Variants in PPP3CA observed in about 807,000 individuals in gnomAD.
PPP3CA encodes protein phosphatase 3 catalytic subunit alpha.
A neutral mutation model predicts 66.5 loss-of-function variants in PPP3CA; 14 were observed. That is an observed-to-expected ratio of 0.21 (90% CI 0.14 to 0.33). The LOEUF (loss-of-function observed/expected upper bound fraction) is 0.33, where lower values mean the gene tolerates loss of function less well. Among genes scored for constraint, PPP3CA ranks in the 10% least tolerant of loss-of-function variants. The probability of loss-of-function intolerance (pLI) is 1.00; values close to 1 mark genes in which losing one functional copy is unlikely to be tolerated. For missense variants in PPP3CA, 317 were observed against 639.5 expected (o/e 0.50, Z 5.44); for synonymous variants, 232 against 226.2 (o/e 1.03, Z -0.23).
At chr4:101,321,900 C>A (rs554700841) in intron 1 of PPP3CA, among the ~76,000 whole-genome samples, 21 of 152,300 alleles carry the variant, frequency 1.4e-4, no homozygotes, top group African/African-American at 5.1e-4. Flanking sequence ...GTGGCTGTTG[C>A]AACAGAGGAT....
chr4:101,252,086 A>G (rs945910667), intron 1 of PPP3CA, among the ~76,000 whole-genome samples: 1 of 152,194 alleles, frequency 6.6e-6, no homozygotes, highest in Admixed American at 6.5e-5. Context: ...ATCAGTTCTA[A>G]GAAGTAAATA....
intron 2 of PPP3CA, among the ~76,000 whole-genome samples, chr4:101,134,462 T>C (rs1201870769): frequency 1.3e-5 from 2 of 152,244 alleles, no homozygotes; most frequent in African/African-American, 4.8e-5. Context: ...AAGACATTTA[T>C]GTGGCCAACA....
At chr4:101,087,818 A>C (rs1729736872) in intron 6 of PPP3CA, among the ~76,000 whole-genome samples, 1 of 152,178 alleles carries the variant, frequency 6.6e-6, no homozygotes, top group Non-Finnish European at 1.5e-5. Context: ...ATAGGGGCTG[A>C]ATAGCTTGGT....
chr4:101,124,243 C>T (rs192483019), intron 2 of PPP3CA, among the ~76,000 whole-genome samples: 14 of 152,138 alleles, frequency 9.2e-5, no homozygotes, highest in African/African-American at 3.1e-4. Context: ...TTATTTACCA[C>T]TTTTCACACA....
At chr4:101,308,028 T>C (rs1306367389) in intron 1 of PPP3CA, among the ~76,000 whole-genome samples, 1 of 152,222 alleles carries the variant, frequency 6.6e-6, no homozygotes, top group Non-Finnish European at 1.5e-5. Flanking sequence ...GAGAATTTCA[T>C]AATTACATAT....
chr4:101,275,002 A>C (rs1727444934), intron 1 of PPP3CA, among the ~76,000 whole-genome samples: 1 of 152,236 alleles, frequency 6.6e-6, no homozygotes, highest in South Asian at 2.1e-4. Flanking sequence ...CAAAAGTTCA[A>C]AAATGAAACT....
At chr4:101,206,461 C>A (rs1265268287) in intron 1 of PPP3CA, among the ~76,000 whole-genome samples, 2 of 152,180 alleles carry the variant, frequency 1.3e-5, no homozygotes, top group Non-Finnish European at 2.9e-5. Context: ...AAAAGAACCA[C>A]TCTTGGGAGA....
intron 1 of PPP3CA, among the ~76,000 whole-genome samples, chr4:101,309,777 C>T (rs185419234): frequency 5.3e-5 from 8 of 152,186 alleles, no homozygotes; most frequent in African/African-American, 1.9e-4. Context: ...AAGAGAGACA[C>T]TGTTCTCTAA....
chr4:101,325,311 G>A (rs1415704607), intron 1 of PPP3CA, among the ~76,000 whole-genome samples: 2 of 152,178 alleles, frequency 1.3e-5, no homozygotes, highest in Non-Finnish European at 2.9e-5. Flanking sequence ...CTGAAATTCT[G>A]TATTTCTACC....
chr4:101,164,192 A>G (rs893338489), intron 2 of PPP3CA, among the ~76,000 whole-genome samples: 1 of 147,096 alleles, frequency 6.8e-6, no homozygotes, highest in Non-Finnish European at 1.5e-5. Flanking sequence ...TATTCTGACC[A>G]CTCTACTTAA....
intron 1 of PPP3CA, among the ~76,000 whole-genome samples, chr4:101,287,657 G>T (rs973657784): frequency 6.6e-6 from 1 of 151,954 alleles, no homozygotes; most frequent in Non-Finnish European, 1.5e-5. Flanking sequence ...CAAGAAAGAC[G>T]CTATTTCAAT....
At chr4:101,076,107 T>C (rs932300931) in intron 8 of PPP3CA, among the ~76,000 whole-genome samples, 1 of 152,156 alleles carries the variant, frequency 6.6e-6, no homozygotes, top group Non-Finnish European at 1.5e-5. Context: ...TTTGAGTAAT[T>C]AGGAAATAGG....
Position 101,099,596 on chromosome 4 carries a change from T to C in PPP3CA, c.496+15A>G, listed in dbSNP as rs371351131. 103 of 1,464,730 alleles carry C rather than the reference T, an allele frequency of 7.0e-5. No individual in the cohort carries two copies. Among genetic ancestry groups the C allele is most frequent in the African/African-American group, 4.0e-4 (28 of 70,450 alleles). 90.7% of individuals were successfully genotyped at this position (1,464,730 alleles called of 1,614,324 possible). A position where few individuals can be genotyped will look rare whatever the true frequency, so the allele number is the denominator to read the frequency against. On this transcript the variant is annotated intron_variant, in intron 4 of 13. Transcript: ENST00000394854. ...CACATATAGTGTTAAAGGAAGGAGGTTGAAGTATACTTACATTCTTGTTTA... is the reference window on the plus strand; with the variant it reads ...CACATATAGTGTTAAAGGAAGGAGGCTGAAGTATACTTACATTCTTGTTTA...
chr4:101,093,502 A>C (rs1279659768), intron 6 of PPP3CA, among the ~76,000 whole-genome samples: 2 of 152,206 alleles, frequency 1.3e-5, no homozygotes, highest in African/African-American at 2.4e-5. Flanking sequence ...CAAAAAAATA[A>C]TGACTTGCTT....
At position 101,346,772 on chromosome 4, in the gene PPP3CA, G is replaced by A; in HGVS notation, c.25C>T (p.Pro9Ser). The A allele has an allele frequency of 6.2e-7, 1 of 1,611,782 alleles. No homozygotes were observed. Among genetic ancestry groups the A allele is most frequent in the South Asian group, 1.1e-5 (1 of 90,674 alleles). Residue 9 changes from proline (P) to serine (S), a missense_variant, in exon 1 of 14, where the codon CCC becomes TCC. Physicochemically the swap from Pro to Ser is moderately conservative, Grantham distance 74. Around this residue, in one of 3 missense-constraint regions of PPP3CA, gnomAD observed 76 missense variants for 99.5 expected, o/e 0.76. Transcript: ENST00000394854. Reference sequence around the variant, plus strand: ...ACCCTGTCGGTCGTCGACAACTTGGGATCAATTGCCTTGGGCTCGGACATC... The same window carrying A: ...ACCCTGTCGGTCGTCGACAACTTGGAATCAATTGCCTTGGGCTCGGACATC... MSEPKAID[P>S]KLSTTDRVVK...
intron 1 of PPP3CA, among the ~76,000 whole-genome samples, chr4:101,273,820 A>T (rs1727407604): frequency 6.6e-6 from 1 of 152,238 alleles, no homozygotes; most frequent in Admixed American, 6.5e-5. Context: ...CTACAGAAGT[A>T]AAATAAAACG....
At chr4:101,232,983 C>T (rs80019310) in intron 1 of PPP3CA, among the ~76,000 whole-genome samples, 9,615 of 151,462 alleles carry the variant, frequency 0.063, 953 homozygotes, top group African/African-American at 0.21. Context: ...CTGCTATCTA[C>T]CCAAATTAAT....
At chr4:101,160,178 GTGTGC>G (rs1723457418) in intron 2 of PPP3CA, among the ~76,000 whole-genome samples, 1 of 152,090 alleles carries the variant, frequency 6.6e-6, no homozygotes, top group Admixed American at 6.6e-5. Context: ...CAATTTAGAA[GTGTGC>G]TAAGTACAAA....
At chr4:101,272,213 T>C (rs928981097) in intron 1 of PPP3CA, among the ~76,000 whole-genome samples, 6 of 152,208 alleles carry the variant, frequency 3.9e-5, no homozygotes, top group Non-Finnish European at 8.8e-5. Flanking sequence ...ACTTATTGAA[T>C]GCCTTCAATA....
Sources: allele counts gnomAD v4.1 joint callset (sites outside exome capture counted in the v4.1 genomes callset), GRCh38; gene constraint gnomAD v4.1.1; regional missense constraint gnomAD v4.1.1; transcripts MANE v1.5; gene names NCBI Gene and HGNC (gene_info 2026-07-23, HGNC 2026-07-21).